Variants in FILIP1 observed in about 807,000 individuals in gnomAD.
FILIP1 encodes filamin-A-interacting protein 1.
FILIP1 carries 61 observed loss-of-function variants against 102.1 expected under a neutral mutation model. The ratio of observed to expected loss-of-function variants is 0.60; its 90% CI spans 0.49 to 0.74. The LOEUF is 0.74. FILIP1 is among the 30% of genes least tolerant of loss of function. The pLI is 0.00. For synonymous variants in FILIP1, 491 were observed against 526.9 expected (o/e 0.93, Z 0.93); for missense variants, 1,314 against 1,441.2 (o/e 0.91, Z 1.43).
intron 1 of FILIP1, among the ~76,000 whole-genome samples, chr6:75,475,437 A>G (rs1033193019): frequency 2.6e-5 from 4 of 152,210 alleles, no homozygotes; most frequent in Non-Finnish European, 5.9e-5. Flanking sequence ...ATGGGTAGCC[A>G]TCATCCCTTG....
chr6:75,348,062 T>C (rs1044917480), intron 4 of FILIP1, among the ~76,000 whole-genome samples: 18 of 147,376 alleles, frequency 1.2e-4, no homozygotes, highest in South Asian at 6.6e-4. Context: ...ACATCAGTTA[T>C]ACACACACAC....
chr6:75,415,578 A>C (rs1332988740), intron 1 of FILIP1, among the ~76,000 whole-genome samples: 1 of 150,616 alleles, frequency 6.6e-6, no homozygotes, highest in African/African-American at 2.4e-5. Context: ...GGGGGCTTAA[A>C]ATGGACAGAG....
At chr6:75,457,568 A>G (rs1265197161) in intron 1 of FILIP1, among the ~76,000 whole-genome samples, 1 of 151,636 alleles carries the variant, frequency 6.6e-6, no homozygotes, top group African/African-American at 2.4e-5. Flanking sequence ...CATAGTGTCT[A>G]CTACACTGAT....
intron 6 of FILIP1, among the ~76,000 whole-genome samples, chr6:75,296,183 A>G (rs956141610): frequency 5.9e-5 from 9 of 152,178 alleles, no homozygotes; most frequent in African/African-American, 2.2e-4. Context: ...CGTTCTGACA[A>G]TAGTAGATCA....
At chr6:75,429,375 CAAG>C (rs1414983917) in intron 1 of FILIP1, among the ~76,000 whole-genome samples, 3 of 152,142 alleles carry the variant, frequency 2.0e-5, no homozygotes, top group Admixed American at 2.0e-4. Flanking sequence ...AATTGTCCAA[CAAG>C]AAGAAGCTGT....
At chr6:75,468,113 G>C (rs930608958) in intron 1 of FILIP1, among the ~76,000 whole-genome samples, 2 of 152,256 alleles carry the variant, frequency 1.3e-5, no homozygotes, top group East Asian at 1.9e-4. Flanking sequence ...AGTCTGTGAC[G>C]CCAGGGGCAT....
chr6:75,416,066 C>T (rs1033757992), intron 1 of FILIP1, among the ~76,000 whole-genome samples: 1 of 152,076 alleles, frequency 6.6e-6, no homozygotes, highest in African/African-American at 2.4e-5. Context: ...TAGCCCTTAC[C>T]ATGAACAGCT....
intron 1 of FILIP1, among the ~76,000 whole-genome samples, chr6:75,463,654 C>T (rs1779087817): frequency 6.6e-6 from 1 of 152,212 alleles, no homozygotes; most frequent in African/African-American, 2.4e-5. Flanking sequence ...AGAAAACAGC[C>T]AGAGTCTTAA....
At chr6:75,319,404 T>A (rs2149559838) in intron 4 of FILIP1, 2 of 624,682 alleles carry the variant, frequency 3.2e-6, no homozygotes, top group South Asian at 2.8e-5. Flanking sequence ...CTTGAACTTC[T>A]TTTTTGTCTC....
At chr6:75,429,284 C>A (rs1777739298) in intron 1 of FILIP1, among the ~76,000 whole-genome samples, 1 of 152,150 alleles carries the variant, frequency 6.6e-6, no homozygotes, top group South Asian at 2.1e-4. Flanking sequence ...GCCTGGATGG[C>A]AAACAGAAAT....
intron 1 of FILIP1, among the ~76,000 whole-genome samples, chr6:75,441,381 T>C (rs1386647761): frequency 2.0e-5 from 3 of 152,196 alleles, no homozygotes; most frequent in Non-Finnish European, 2.9e-5. Flanking sequence ...TGTCTACTTC[T>C]TTCTACACAG....
intron 1 of FILIP1, among the ~76,000 whole-genome samples, chr6:75,436,440 G>C (rs1297417685): frequency 6.6e-6 from 1 of 152,132 alleles, no homozygotes; most frequent in African/African-American, 2.4e-5. Flanking sequence ...GTTGGAAGCA[G>C]AATGGCTTCT....
chr6:75,385,020 A>T (rs1410649567), intron 2 of FILIP1: 1 of 142,690 alleles, frequency 7.0e-6, no homozygotes, highest in Non-Finnish European at 1.5e-5. Flanking sequence ...GTTGGTCTGG[A>T]ACTCCTGGCC....
chr6:75,485,817 C>T (rs1438506816), intron 1 of FILIP1, among the ~76,000 whole-genome samples: 1 of 152,084 alleles, frequency 6.6e-6, no homozygotes, highest in Non-Finnish European at 1.5e-5. Flanking sequence ...TTTTCTTAAA[C>T]TACAGCAAGC....
chr6:75,315,445 T>C (rs149636488), intron 4 of FILIP1, among the ~76,000 whole-genome samples: 8 of 152,320 alleles, frequency 5.3e-5, no homozygotes, highest in Non-Finnish European at 1.2e-4. Context: ...CTTTTGTAAT[T>C]TGCATGCTTG....
Position 75,474,240 on chromosome 6 carries a change from C to T in FILIP1, c.-7+19174G>A, listed in dbSNP as rs895859960. Among the ~76,000 whole-genome samples the T allele has an allele frequency of 6.6e-5, 10 of 152,258 alleles. No homozygotes were observed. In the East Asian group the frequency reaches 1.7e-3, roughly 26 times the overall value. ...ATTTTATTAATATCATTTACTCTCA[C>T]ATTTTATGTCTGCAGATTGTCATTA... On this transcript the variant is annotated intron_variant, in intron 1 of 5. Transcript: ENST00000237172.
intron 1 of FILIP1, among the ~76,000 whole-genome samples, chr6:75,428,057 C>A (rs1269677165): frequency 6.6e-6 from 1 of 152,078 alleles, no homozygotes; most frequent in African/African-American, 2.4e-5. Context: ...GTGAAATAAG[C>A]CCTGGCAGAA....
chr6:75,321,523 G>A (rs944411194), intron 4 of FILIP1, among the ~76,000 whole-genome samples: 5 of 152,316 alleles, frequency 3.3e-5, no homozygotes, highest in Admixed American at 2.0e-4. Context: ...GGCCGGGCGC[G>A]GTGGCTCACG....
At chr6:75,481,293 G>A (rs926011826) in intron 1 of FILIP1, among the ~76,000 whole-genome samples, 10 of 152,164 alleles carry the variant, frequency 6.6e-5, no homozygotes, top group African/African-American at 2.2e-4. Flanking sequence ...CCTGAAACAC[G>A]AGTCTCAAAA....
Sources: gnomAD v4.1 joint callset for allele counts (sites outside exome capture counted in the v4.1 genomes callset) on GRCh38, gnomAD v4.1.1 for gene constraint, MANE v1.5 for transcripts, NCBI Gene and HGNC (gene_info 2026-07-23, HGNC 2026-07-21) for gene names.